Variants in DYNC1H1 observed in about 807,000 individuals in gnomAD.
DYNC1H1 encodes the protein dynein cytoplasmic 1 heavy chain 1.
In DYNC1H1, 51 loss-of-function variants were observed where a neutral mutation model predicts 527.1. The observed-to-expected ratio is 0.10, with a 90% CI of 0.08 to 0.12. DYNC1H1 has a LOEUF of 0.12. Among genes scored for constraint, DYNC1H1 ranks in the 10% least tolerant of loss-of-function variants. The probability of loss-of-function intolerance (pLI) is 1.00; values close to 1 mark genes in which losing one functional copy is unlikely to be tolerated. For missense variants in DYNC1H1, 2,771 were observed against 5,971.8 expected (o/e 0.46, Z 17.66); for synonymous variants, 2,189 against 2,278.8 (o/e 0.96, Z 1.12).
Position 102,002,644 on chromosome 14 carries a change from C to T in DYNC1H1, c.4650C>T (p.Ile1550=). Residue 1550 remains isoleucine (I), a synonymous_variant, in exon 22 of 78, where the codon ATC becomes ATT. Coordinates refer to ENST00000360184, the MANE Select transcript of DYNC1H1 (RefSeq NM_001376.5). This position sits in a 1 kb window ranked among gnomAD's most constrained non-coding sequence, Gnocchi z 4.4. The part of the protein sequence containing the change: ...VQRRWVYLEG[I]FTGSADIKHL... Reference sequence around the variant, plus strand: ...GGCGGTGGGTCTACCTGGAAGGTATCTTCACAGGCAGTGCAGATATCAAGC... The same window carrying T: ...GGCGGTGGGTCTACCTGGAAGGTATTTTCACAGGCAGTGCAGATATCAAGC... 3 of 1,614,176 alleles carry T rather than the reference C, an allele frequency of 1.9e-6. No individual in the cohort carries two copies. Among genetic ancestry groups the T allele is most frequent in the Middle Eastern group, 3.3e-4 (2 of 6,058 alleles).
intron 10 of DYNC1H1, 65 bp from the exon 11 acceptor site, chr14:101,991,462 T>G: frequency 1.2e-6 from 2 of 1,601,616 alleles, no homozygotes; most frequent in Non-Finnish European, 1.7e-6. Context: ...TGAAACTCTG[T>G]CTTAAAAAAA....
chr14:102,050,126 C>T lies in DYNC1H1; in HGVS notation c.13740C>T (p.Ala4580=), dbSNP rs1240558772. Residue 4580 remains alanine, a synonymous_variant, in exon 77 of 78, where the codon GCC becomes GCT. Transcript: ENST00000360184. ...CNNNKLSLSN[A]ISTALPLTQL... ...ACAACAAGCTGTCACTGTCCAATGC[C>T]ATCTCAACCGCCCTTCCCCTGACGC... 6 of 1,597,178 alleles carry T rather than the reference C, an allele frequency of 3.8e-6. No homozygotes were observed. Among genetic ancestry groups the T allele is most frequent in the Non-Finnish European group, 5.1e-6 (6 of 1,176,042 alleles).
Position 102,038,199 on chromosome 14 carries a change from G to C in DYNC1H1, c.10909-261G>C. Reference sequence around the variant, plus strand: ...TCACCATGTTGGCCAGTCTGGTCTCGAACTCCTGACCTCAAGTGATCTGCC... The same window carrying C: ...TCACCATGTTGGCCAGTCTGGTCTCCAACTCCTGACCTCAAGTGATCTGCC... On this transcript the variant is annotated intron_variant, in intron 57 of 77. Transcript: ENST00000360184. The surrounding 1 kb of genome is among the most constrained non-coding windows in gnomAD (Gnocchi z 7.2). The C allele has an allele frequency of 2.0e-6, 1 of 490,834 alleles. No individual in the cohort carries two copies. The highest frequency in any genetic ancestry group is 1.9e-5 in the South Asian group (1 of 51,328). 30.4% of individuals were successfully genotyped at this position (490,834 alleles called of 1,614,324 possible).
rs372841424 is a variant in DYNC1H1, at chr14:102,001,432, C to T, written c.4395+78C>T. The stretch of plus-strand genomic sequence containing the variant: ...AGATCTGAGCTATGTAAAAATGGAG[C>T]CTTGTCATCTGTGGTCCTTTTGGTT... On this transcript the variant is annotated intron_variant, in intron 20 of 77. Transcript: ENST00000360184. This position sits in a 1 kb window ranked among gnomAD's most constrained non-coding sequence, Gnocchi z 5.0. 3 of 1,612,660 alleles carry T rather than the reference C, an allele frequency of 1.9e-6. No individual in the cohort carries two copies. The highest frequency in any genetic ancestry group is 1.7e-5 in the Admixed American group (1 of 60,016).
intron 29 of DYNC1H1, among the ~76,000 whole-genome samples, chr14:102,008,954 T>G (rs1309478227): frequency 6.6e-6 from 1 of 152,224 alleles, no homozygotes; most frequent in Non-Finnish European, 1.5e-5. Flanking sequence ...CCCTCCATGG[T>G]CTTTGCCACG....
In DYNC1H1 at chr14:101,997,305, C is replaced by T. The variant is rs369636480; in HGVS notation, c.3804+31C>T. The T allele has an allele frequency of 1.2e-6, 2 of 1,613,908 alleles. No individual in the cohort carries two copies. The highest frequency in any genetic ancestry group is 4.5e-5 in the East Asian group (2 of 44,878). On this transcript the variant is annotated intron_variant, in intron 16 of 77. Coordinates refer to ENST00000360184, the MANE Select transcript of DYNC1H1 (RefSeq NM_001376.5). The surrounding 1 kb of genome is among the most constrained non-coding windows in gnomAD (Gnocchi z 4.8). ...TCCCGCCAGGTGGGGACGCAGGAGA[C>T]TCCTCACCCAGCAGTGTGATTTGGT...
chr14:102,040,187 G>A (rs2048629301), intron 62 of DYNC1H1, 49 bp from the exon 63 acceptor site: 1 of 1,608,108 alleles, frequency 6.2e-7, no homozygotes, highest in Admixed American at 1.7e-5. Flanking sequence ...CTTAGTGACA[G>A]TGGGAGTGAA....
intron 9 of DYNC1H1, among the ~76,000 whole-genome samples, chr14:101,987,903 C>T (rs1473339384): frequency 6.6e-6 from 1 of 152,108 alleles, no homozygotes; most frequent in African/African-American, 2.4e-5. Context: ...CATGGCAAGA[C>T]CCTGTCTCTA....
chr14:102,003,804 TA>T (rs1440924323), intron 23 of DYNC1H1, among the ~76,000 whole-genome samples: 6 of 151,998 alleles, frequency 3.9e-5, no homozygotes, highest in Non-Finnish European at 7.4e-5. Flanking sequence ...CAGCTGCCTA[TA>T]ATCCCAGGTA....
intron 15 of DYNC1H1, among the ~76,000 whole-genome samples, chr14:101,995,580 C>T (rs2048050783): frequency 6.7e-6 from 1 of 149,862 alleles, no homozygotes; most frequent in East Asian, 2.0e-4. Flanking sequence ...CACTGCATTC[C>T]AGCCTGGGCA....
intron 16 of DYNC1H1, among the ~76,000 whole-genome samples, chr14:101,998,893 T>TTTTTTTTTGTTTTTTTTTTTTG (rs1402361519): frequency 5.4e-5 from 8 of 147,612 alleles, no homozygotes; most frequent in African/African-American, 2.0e-4. Flanking sequence ...TTTTTTTTTT[T>TTTTTTTTTGTTTTTTTTTTTTG]TTTTTTGAGA....
rs1055735711 is a variant in DYNC1H1, at chr14:102,002,184, C to T, written c.4543-353C>T. Reference sequence around the variant, plus strand: ...GGAGTGCAATGGCACGATCTCGGCTCACTGCAACCTCTGCCTCCCGGGTTG... The same window carrying T: ...GGAGTGCAATGGCACGATCTCGGCTTACTGCAACCTCTGCCTCCCGGGTTG... On this transcript the variant is annotated intron_variant, in intron 21 of 77. Coordinates refer to ENST00000360184, the MANE Select transcript of DYNC1H1 (RefSeq NM_001376.5). This position sits in a 1 kb window ranked among gnomAD's most constrained non-coding sequence, Gnocchi z 4.4. Among the ~76,000 whole-genome samples the T allele has an allele frequency of 2.6e-5, 4 of 151,660 alleles. No individual in the cohort carries two copies. The highest frequency in any genetic ancestry group is 2.0e-4 in the Admixed American group (3 of 15,226).
chr14:102,028,072 G>A lies in DYNC1H1; in HGVS notation c.9399G>A (p.Leu3133=). 1 of 1,614,200 alleles carries A rather than the reference G, an allele frequency of 6.2e-7. No individual in the cohort carries two copies. Among genetic ancestry groups the A allele is most frequent in the Non-Finnish European group, 8.5e-7 (1 of 1,180,036 alleles). ...PDYMPVVYDK[L]PQPPSHREAI... ...ACATGCCAGTTGTGTATGATAAGCTGCCGCAGCCACCATCCCATCGGGAAG... is the reference window on the plus strand; with the variant it reads ...ACATGCCAGTTGTGTATGATAAGCTACCGCAGCCACCATCCCATCGGGAAG... The change falls in exon 48 of 78, where the codon CTG becomes CTA. Residue 3133 remains leucine (L), a synonymous_variant. Coordinates refer to ENST00000360184, the MANE Select transcript of DYNC1H1 (RefSeq NM_001376.5).
At chr14:101,988,223 A>G (rs1052517248) in intron 9 of DYNC1H1, among the ~76,000 whole-genome samples, 1 of 152,120 alleles carries the variant, frequency 6.6e-6, no homozygotes, top group Non-Finnish European at 1.5e-5. Context: ...TGCTTTCCTT[A>G]TGATTCGTGT....
chr14:102,023,025 G>A (rs930910018), intron 43 of DYNC1H1, 145 bp downstream of exon 43: 2 of 1,299,424 alleles, frequency 1.5e-6, no homozygotes, highest in Non-Finnish European at 2.1e-6. Flanking sequence ...CACTTTGGGA[G>A]GCTGAGGCAG....
intron 43 of DYNC1H1, among the ~76,000 whole-genome samples, chr14:102,024,811 C>T (rs370730906): frequency 2.0e-5 from 3 of 150,684 alleles, no homozygotes; most frequent in African/African-American, 4.9e-5. Context: ...TCTCCTGCCT[C>T]AGCCTCCCAA....
intron 51 of DYNC1H1, 74 bp from the exon 52 acceptor site, chr14:102,032,198 T>A (rs542527604): frequency 6.3e-7 from 1 of 1,586,748 alleles, no homozygotes; most frequent in Non-Finnish European, 8.6e-7. Context: ...CCTGGCTGTT[T>A]TGGTTCATTC....
At chr14:102,000,261 A>G (rs1595608391) in intron 17 of DYNC1H1, 25 bp from the exon 18 acceptor site, 1 of 1,614,104 alleles carries the variant, frequency 6.2e-7, no homozygotes, top group Non-Finnish European at 8.5e-7. Flanking sequence ...TCCAAAGTCA[A>G]CTGCTTTACT....
At position 102,000,940 on chromosome 14, in the gene DYNC1H1, G is replaced by A. The variant is rs2048124155; in HGVS notation, c.4075-14G>A. 2 of 1,607,804 alleles carry A rather than the reference G, an allele frequency of 1.2e-6. No individual in the cohort carries two copies. The highest frequency in any genetic ancestry group is 1.7e-6 in the Non-Finnish European group (2 of 1,174,252). ...GTTGGCAAGCTAAATAGCATCTTAT[G>A]TTTCTCTCGACAGCTTCGACAAAAT... On this transcript the variant is annotated splice_polypyrimidine_tract_variant and intron_variant, in intron 18 of 77. Coordinates refer to ENST00000360184, the MANE Select transcript of DYNC1H1 (RefSeq NM_001376.5).
Sources: gnomAD v4.1 joint callset for allele counts (sites outside exome capture counted in the v4.1 genomes callset) on GRCh38, gnomAD v4.1.1 for gene constraint, Gnocchi (gnomAD v3.1) non-coding constraint, MANE v1.5 for transcripts, NCBI Gene and HGNC (gene_info 2026-07-23, HGNC 2026-07-21) for gene names.